BCAT1: variants seen among roughly 807,000 people sequenced by gnomAD.
BCAT1 encodes the protein branched-chain-amino-acid aminotransferase, cytosolic.
BCAT1 carries 48 observed loss-of-function variants against 52.4 expected under a neutral mutation model. The ratio of observed to expected loss-of-function variants is 0.92; its 90% CI spans 0.73 to 1.16. BCAT1 has a LOEUF of 1.16. BCAT1 is among the 50% of genes most tolerant of loss of function. The probability of loss-of-function intolerance (pLI) is 0.00; values close to 1 mark genes in which losing one functional copy is unlikely to be tolerated. For missense variants in BCAT1, 451 were observed against 457.1 expected (o/e 0.99, Z 0.12); for synonymous variants, 167 against 161.3 (o/e 1.04, Z -0.27).
chr12:24,933,516 G>T (rs956702524), intron 1 of BCAT1, among the ~76,000 whole-genome samples: 1 of 152,002 alleles, frequency 6.6e-6, no homozygotes. Context: ...GATATGGTTT[G>T]GTTTGGCTCT....
At chr12:24,901,731 A>G in intron 2 of BCAT1, 83 bp downstream of exon 2, 1 of 1,438,966 alleles carries the variant, frequency 6.9e-7, no homozygotes. Context: ...CCACACAGTG[A>G]AAATTTCCCC....
chr12:24,893,057 A>T (rs1034275206), intron 3 of BCAT1, among the ~76,000 whole-genome samples: 2 of 152,228 alleles, frequency 1.3e-5, no homozygotes, highest in African/African-American at 2.4e-5. Flanking sequence ...TGAATTTATA[A>T]TTTTGAAGGA....
At chr12:24,938,497 AG>A (rs1453083635) in intron 1 of BCAT1, among the ~76,000 whole-genome samples, 5 of 152,182 alleles carry the variant, frequency 3.3e-5, no homozygotes, top group Non-Finnish European at 7.3e-5. Context: ...ATGTGGAAAC[AG>A]TGACAAGGGG....
intron 6 of BCAT1, among the ~76,000 whole-genome samples, chr12:24,847,623 G>A (rs556454075): frequency 1.3e-5 from 2 of 152,170 alleles, no homozygotes; most frequent in Admixed American, 1.3e-4. Flanking sequence ...GAGAGAAAGA[G>A]AGAGAGAGTG....
At chr12:24,834,537 AT>A in intron 8 of BCAT1, 2 of 974,462 alleles carry the variant, frequency 2.1e-6, no homozygotes, top group Non-Finnish European at 2.4e-6. Context: ...GTTTAAAAAA[AT>A]AAGATGAGTA....
intron 1 of BCAT1, among the ~76,000 whole-genome samples, chr12:24,921,631 T>C (rs1271564639): frequency 1.3e-5 from 2 of 152,218 alleles, no homozygotes; most frequent in Non-Finnish European, 2.9e-5. Context: ...AGGAAGATCT[T>C]TGAATTACTT....
rs117127458 is a variant in BCAT1 at position 24,835,656 on chromosome 12, T to C, written c.903+855A>G. On this transcript the variant is annotated intron_variant, in intron 8 of 10. Coordinates refer to ENST00000261192, the MANE Select transcript of BCAT1 (RefSeq NM_005504.7). ...AGGCTGTAGTGCAGTGGCTTGATCATAGCTCACTGCGACCTTGACCTCCAG... is the reference window on the plus strand; with the variant it reads ...AGGCTGTAGTGCAGTGGCTTGATCACAGCTCACTGCGACCTTGACCTCCAG... 4.0e-3 allele frequency among the ~76,000 whole-genome samples: 602 copies of C among 152,164 alleles called. 1 individual carries two copies. The highest frequency in any genetic ancestry group is 6.6e-3 in the Non-Finnish European group (451 of 68,004).
At chr12:24,917,728 G>A (rs896607249) in intron 1 of BCAT1, among the ~76,000 whole-genome samples, 1 of 151,938 alleles carries the variant, frequency 6.6e-6, no homozygotes, top group African/African-American at 2.4e-5. Flanking sequence ...TTTTAATTTG[G>A]AAGGCAAAAG....
chr12:24,946,692 T>A (rs1314499953), intron 1 of BCAT1, among the ~76,000 whole-genome samples: 2 of 152,196 alleles, frequency 1.3e-5, no homozygotes, highest in African/African-American at 4.8e-5. Context: ...TGTGTAGCCT[T>A]CACAAAGCTC....
chr12:24,818,737 G>T (rs1002563638), intron 10 of BCAT1, among the ~76,000 whole-genome samples: 2 of 152,156 alleles, frequency 1.3e-5, no homozygotes, highest in African/African-American at 4.8e-5. Flanking sequence ...CTGTATCATA[G>T]TCAGAATTTC....
rs796351958 is a variant in BCAT1, at chr12:24,894,307, G to C, written c.247C>G (p.Pro83Ala). The C allele has an allele frequency of 1.9e-6, 3 of 1,613,864 alleles. No homozygotes were observed. The highest frequency in any genetic ancestry group is 1.7e-5 in the Admixed American group (1 of 60,002). Residue 83 changes from proline to alanine, a missense_variant, in exon 3 of 11, where the codon CCT becomes GCT. By Grantham distance (27) the Pro-to-Ala change is conservative. Transcript: ENST00000261192. ...IKPLQNLSLH[P>A]GSSALHYAVE... is the part of the protein sequence containing the mutation. Reference sequence around the variant, plus strand: ...GCATAGTGCAAAGCTGATGAGCCAGGGTGCAATGACAGGTTCTGAAGAGGC... The same window carrying C: ...GCATAGTGCAAAGCTGATGAGCCAGCGTGCAATGACAGGTTCTGAAGAGGC...
At chr12:24,923,187 G>A (rs1353721879) in intron 1 of BCAT1, among the ~76,000 whole-genome samples, 1 of 152,142 alleles carries the variant, frequency 6.6e-6, no homozygotes, top group Non-Finnish European at 1.5e-5. Flanking sequence ...AAATATTTTA[G>A]GCATCGTGAG....
chr12:24,893,586 A>G (rs1942893588), intron 3 of BCAT1, among the ~76,000 whole-genome samples: 1 of 152,230 alleles, frequency 6.6e-6, no homozygotes, highest in Non-Finnish European at 1.5e-5. Context: ...TTATTTTATC[A>G]TTAATCTATT....
chr12:24,895,488 T>A (rs931587847), intron 2 of BCAT1, among the ~76,000 whole-genome samples: 11 of 146,318 alleles, frequency 7.5e-5, no homozygotes, highest in African/African-American at 2.6e-4. Flanking sequence ...ATCGCACCAC[T>A]GCACTCCAGC....
At chr12:24,905,694 C>T (rs748970755) in intron 1 of BCAT1, among the ~76,000 whole-genome samples, 30 of 152,102 alleles carry the variant, frequency 2.0e-4, no homozygotes, top group Admixed American at 1.9e-3. Flanking sequence ...ACTGTACTTA[C>T]TAGTTACACT....
In BCAT1 at chr12:24,879,881, A is replaced by G. The variant is rs190121662; in HGVS notation, c.391-1232T>C. 3.3e-3 allele frequency among the ~76,000 whole-genome samples: 502 copies of G among 152,328 alleles called. 4 individuals are homozygous for G. The highest frequency in any genetic ancestry group is 6.1e-3 in the Non-Finnish European group (418 of 68,024). ...TTACACAGATAAGGAATGTGAAACT[A>G]CATAACACAGTTTGGTAGCAAAATT... On this transcript the variant is annotated intron_variant, in intron 4 of 10. Coordinates refer to ENST00000261192, the MANE Select transcript of BCAT1 (RefSeq NM_005504.7).
intron 2 of BCAT1, among the ~76,000 whole-genome samples, chr12:24,895,201 T>A (rs1324867344): frequency 6.6e-6 from 1 of 152,080 alleles, no homozygotes; most frequent in Non-Finnish European, 1.5e-5. Context: ...GGCCAAACAT[T>A]AAGCGTACAA....
At chr12:24,895,376 A>T (rs990052494) in intron 2 of BCAT1, among the ~76,000 whole-genome samples, 2 of 152,036 alleles carry the variant, frequency 1.3e-5, no homozygotes, top group Non-Finnish European at 2.9e-5. Flanking sequence ...AATACTAAAA[A>T]TTAGCCAGGC....
chr12:24,929,401 T>A (rs1943645955), intron 1 of BCAT1, among the ~76,000 whole-genome samples: 1 of 152,236 alleles, frequency 6.6e-6, no homozygotes. Flanking sequence ...TCCCAAAATA[T>A]GACCAGAATA....
Sources: allele counts gnomAD v4.1 joint callset (sites outside exome capture counted in the v4.1 genomes callset), GRCh38; gene constraint gnomAD v4.1.1; transcripts MANE v1.5; gene names NCBI Gene and HGNC (gene_info 2026-07-23, HGNC 2026-07-21).